Variants in ZNF667 observed in about 807,000 individuals in gnomAD.
ZNF667 encodes zinc finger protein 667.
A neutral mutation model predicts 31.8 loss-of-function variants in ZNF667; 13 were observed. That is an observed-to-expected ratio of 0.41 (90% CI 0.27 to 0.65). The LOEUF (loss-of-function observed/expected upper bound fraction) is 0.65, where lower values mean the gene tolerates loss of function less well. Ranked by LOEUF, ZNF667 falls within the 30% of genes least tolerant of loss-of-function variation. The pLI, the probability that ZNF667 is intolerant of heterozygous loss-of-function variation, is 0.32. For synonymous variants in ZNF667, 228 were observed against 247.1 expected, an observed-to-expected ratio of 0.92 and a Z score of 0.73; for missense variants, 642 against 725.6, an observed-to-expected ratio of 0.88 and a Z score of 1.32.
chr19:56,476,267 C>A (rs190338373), intron 1 of ZNF667, among the ~76,000 whole-genome samples: 6 of 152,308 alleles, frequency 3.9e-5, no homozygotes, highest in Non-Finnish European at 2.9e-5. Context: ...TACTTAGCGT[C>A]AGTGGAGGGC....
chr19:56,466,290 C>G (rs990821914), intron 3 of ZNF667, among the ~76,000 whole-genome samples: 1 of 152,168 alleles, frequency 6.6e-6, no homozygotes, highest in Admixed American at 6.5e-5. Context: ...AATGCTGGAA[C>G]CTGGGAGGTG....
At chr19:56,477,848 C>T (rs1475699140), upstream of ZNF667, 1 of 152,346 alleles carries the variant, frequency 6.6e-6, no homozygotes, top group African/African-American at 2.4e-5. Context: ...CGCGCGTGCG[C>T]ACTACGCAGT....
chr19:56,452,777 A>T (rs12611200), intron 6 of ZNF667, among the ~76,000 whole-genome samples: 1 of 151,918 alleles, frequency 6.6e-6, no homozygotes, highest in South Asian at 2.1e-4. Context: ...AAAATTAGCC[A>T]GGCGTGGTGG....
intron 6 of ZNF667, among the ~76,000 whole-genome samples, chr19:56,452,436 G>A (rs1223653924): frequency 6.6e-6 from 1 of 152,038 alleles, no homozygotes; most frequent in African/African-American, 2.4e-5. Flanking sequence ...TGCAACCTAT[G>A]GGATACAGCA....
At chr19:56,469,127 G>A (rs1600456101) in intron 3 of ZNF667, among the ~76,000 whole-genome samples, 2 of 152,244 alleles carry the variant, frequency 1.3e-5, no homozygotes, top group South Asian at 4.1e-4. Context: ...GGGCTAGGGT[G>A]AGATGAAGAG....
At chr19:56,444,378 AT>A (rs2042680035) in intron 6 of ZNF667, 2 of 395,782 alleles carry the variant, frequency 5.1e-6, no homozygotes, top group East Asian at 3.6e-5. Context: ...CAACGATCAG[AT>A]TTTGTAAGAA....
chr19:56,458,031 G>A, intron 6 of ZNF667, 124 bp downstream of exon 6: 1 of 866,228 alleles, frequency 1.2e-6, no homozygotes, highest in Admixed American at 2.1e-5. Context: ...ATTGATCTTG[G>A]ACTTCTCAGC....
chr19:56,441,453 G>A lies in ZNF667; in HGVS notation c.1542C>T (p.Leu514=), dbSNP rs746624626. Residue 514 remains leucine (L), a synonymous_variant, in exon 7 of 7, where the codon CTC becomes CTT. Transcript: ENST00000504904. This position sits in a 1 kb window ranked among gnomAD's most constrained non-coding sequence, Gnocchi z 4.2. ...CAGTGTGAATTCTTTCATGTTGGGC[G>A]AGGTGTGCACTCTGGCTGAAGGCCT... ...CGKAFSQSAH[L]AQHERIHTGE... is the part of the protein sequence containing the mutation. 6.2e-6 allele frequency: 10 copies of A among 1,614,106 alleles called. No homozygotes were observed. In the South Asian group the frequency reaches 8.8e-5, roughly 14 times the overall value.
intron 5 of ZNF667, among the ~76,000 whole-genome samples, chr19:56,459,924 G>A (rs1436596528): frequency 1.3e-5 from 2 of 152,090 alleles, no homozygotes; most frequent in Admixed American, 6.6e-5. Flanking sequence ...CCCAGGAGGC[G>A]GAGGTTGCAG....
intron 5 of ZNF667, 134 bp downstream of exon 5, chr19:56,460,555 A>C: frequency 1.0e-6 from 1 of 963,368 alleles, no homozygotes; most frequent in Non-Finnish European, 1.5e-6. Flanking sequence ...TGAATTGTAT[A>C]GTATGTGAAT....
rs1359078777 is a variant in ZNF667 at position 56,441,095 on chromosome 19, T to C, written c.*67A>G. ...TCCCATATACACAAAATTTACATTA[T>C]AGACAAATACATATTTGCCATATGT... On this transcript the variant is annotated 3_prime_UTR_variant, in exon 7 of 7. Coordinates refer to ENST00000504904, the MANE Select transcript of ZNF667 (RefSeq NM_001321356.2). The surrounding 1 kb of genome is among the most constrained non-coding windows in gnomAD (Gnocchi z 4.2). The C allele has an allele frequency of 1.7e-5, 26 of 1,524,410 alleles. No homozygotes were observed. The highest frequency in any genetic ancestry group is 2.3e-5 in the East Asian group (1 of 44,162). 94.4% of individuals were successfully genotyped at this position (1,524,410 alleles called of 1,614,324 possible).
At chr19:56,462,849 T>C (rs148165499) in intron 3 of ZNF667, among the ~76,000 whole-genome samples, 2 of 152,124 alleles carry the variant, frequency 1.3e-5, no homozygotes, top group African/African-American at 4.8e-5. Flanking sequence ...ACATGGTCAT[T>C]GCTATGAAGA....
chr19:56,466,070 C>T (rs1198180249), intron 3 of ZNF667, among the ~76,000 whole-genome samples: 1 of 152,182 alleles, frequency 6.6e-6, no homozygotes. Flanking sequence ...GTAGACAGCA[C>T]CTCGCATGTG....
chr19:56,477,933 A>G (rs1293041653), upstream of ZNF667: 1 of 152,416 alleles, frequency 6.6e-6, no homozygotes, highest in Non-Finnish European at 1.5e-5. Flanking sequence ...GAGGTGAAGA[A>G]GGCTTGGGCT....
chr19:56,468,917 G>C lies in ZNF667; in HGVS notation c.-60+2782C>G, dbSNP rs139984997. 9.2e-5 allele frequency: 14 copies of C among 152,214 alleles called. 1 individual carries two copies. Among genetic ancestry groups the C allele is most frequent in the Admixed American group, 6.5e-4 (10 of 15,288 alleles). 9.4% of individuals were successfully genotyped at this position (152,214 alleles called of 1,614,324 possible). A position where few individuals can be genotyped will look rare whatever the true frequency, so the allele number is the denominator to read the frequency against. On this transcript the variant is annotated intron_variant, in intron 3 of 6. Transcript: ENST00000504904. ...AAGGAGCACCTGCTGCCATGGCTTC[G>C]TAGCTCTGCCTTTCAGGACTGTAAG... is the stretch of plus-strand genomic sequence containing the variant.
Position 56,442,500 on chromosome 19 carries a change from A to G in ZNF667, c.495T>C (p.Ile165=), listed in dbSNP as rs1394542849. 1.2e-6 allele frequency: 2 copies of G among 1,613,620 alleles called. No individual in the cohort carries two copies. The highest frequency in any genetic ancestry group is 3.3e-5 in the Admixed American group (2 of 59,946). The change falls in exon 7 of 7, where the codon ATT becomes ATC. Residue 165 remains isoleucine (I), a synonymous_variant. Coordinates refer to ENST00000504904, the MANE Select transcript of ZNF667 (RefSeq NM_001321356.2). ...RSFSLKLHQN[I]HTGEKPFECS... The stretch of plus-strand genomic sequence containing the variant: ...ATTCAAAAGGCTTCTCTCCTGTATG[A>G]ATGTTCTGATGAAGTTTAAGAGAGA...
intron 2 of ZNF667, chr19:56,472,588 T>A (rs1363835768): frequency 6.7e-6 from 1 of 150,076 alleles, no homozygotes; most frequent in Non-Finnish European, 1.5e-5. Flanking sequence ...CTCAGCCTAC[T>A]CAACTTGAAG....
intron 3 of ZNF667, among the ~76,000 whole-genome samples, chr19:56,464,468 T>G (rs2043116910): frequency 6.6e-6 from 1 of 152,226 alleles, no homozygotes; most frequent in African/African-American, 2.4e-5. Flanking sequence ...CAGTCCAGCC[T>G]GGGTAGCAGA....
In ZNF667 at chr19:56,440,720, C is replaced by G. The variant is rs1028338029; in HGVS notation, c.*442G>C. ...GGTGCAATCTCTGCTCGGTGCAACC[C>G]CCACCTCCTGGGTTCAAGCGATTCT... On this transcript the variant is annotated 3_prime_UTR_variant, in exon 7 of 7. Coordinates refer to ENST00000504904, the MANE Select transcript of ZNF667 (RefSeq NM_001321356.2). The G allele has an allele frequency of 1.7e-6, 1 of 594,754 alleles. No homozygotes were observed. Among genetic ancestry groups the G allele is most frequent in the Admixed American group, 5.4e-5 (1 of 18,424 alleles). The allele number at this position is 594,754 out of a possible 1,614,324, so 36.8% of individuals were successfully genotyped here.
Sources: gnomAD v4.1 joint callset for allele counts (sites outside exome capture counted in the v4.1 genomes callset) on GRCh38, gnomAD v4.1.1 for gene constraint, Gnocchi (gnomAD v3.1) non-coding constraint, MANE v1.5 for transcripts, NCBI Gene and HGNC (gene_info 2026-07-23, HGNC 2026-07-21) for gene names.